SYCP2L: variants seen among roughly 807,000 people sequenced by gnomAD.
SYCP2L encodes synaptonemal complex protein 2-like.
In SYCP2L, 98 loss-of-function variants were observed where a neutral mutation model predicts 125.8. That is an observed-to-expected ratio of 0.78 (90% CI 0.66 to 0.92). The LOEUF (loss-of-function observed/expected upper bound fraction) is 0.92, where lower values mean the gene tolerates loss of function less well. Ranked by LOEUF, SYCP2L falls within the 40% of genes least tolerant of loss-of-function variation. The pLI is 0.00. For synonymous variants in SYCP2L, 317 were observed against 325.4 expected (o/e 0.97, Z 0.28); for missense variants, 842 against 936.4 (o/e 0.90, Z 1.32).
At chr6:10,908,758 G>T (rs1780552583) in intron 10 of SYCP2L, among the ~76,000 whole-genome samples, 1 of 152,168 alleles carries the variant, frequency 6.6e-6, no homozygotes, top group African/African-American at 2.4e-5. Context: ...CTTTAGCCAG[G>T]ATTCAGTATA....
In SYCP2L at chr6:10,957,803, C is replaced by A. The variant is rs146084324; in HGVS notation, c.2164-981C>A. ...CTGTGCTCCAGCCTAGGCAACAGAG[C>A]AAGACCATGTCTCTATTTTTTTTAA... On this transcript the variant is annotated intron_variant, in intron 25 of 29. Coordinates refer to ENST00000283141, the MANE Select transcript of SYCP2L (RefSeq NM_001040274.3). Among the ~76,000 whole-genome samples the A allele has an allele frequency of 4.6e-3, 704 of 152,214 alleles. 5 individuals carry two copies. Among genetic ancestry groups the A allele is most frequent in the African/African-American group, 0.016 (660 of 41,534 alleles).
chr6:10,895,476 A>C (rs1042145317), intron 4 of SYCP2L, among the ~76,000 whole-genome samples: 2 of 152,040 alleles, frequency 1.3e-5, no homozygotes, highest in South Asian at 4.2e-4. Context: ...CATGTAAGAG[A>C]AAGTGGAGAG....
At chr6:10,893,196 C>T (rs1780204751) in intron 2 of SYCP2L, among the ~76,000 whole-genome samples, 1 of 151,972 alleles carries the variant, frequency 6.6e-6, no homozygotes, top group Admixed American at 6.6e-5. Context: ...TGGGATTGCT[C>T]CATGTTGGTC....
At chr6:10,973,204 T>C (rs964852098) in intron 29 of SYCP2L, among the ~76,000 whole-genome samples, 1 of 152,202 alleles carries the variant, frequency 6.6e-6, no homozygotes, top group Non-Finnish European at 1.5e-5. Context: ...TCAGTTGATA[T>C]CAGCTCCTAC....
At position 10,956,213 on chromosome 6, in the gene SYCP2L, T is replaced by G. The variant is rs1381575303; in HGVS notation, c.2134T>G (p.Phe712Val). The change falls in exon 25 of 30, where the codon TTC becomes GTC. Residue 712 changes from phenylalanine to valine, a missense_variant. Physicochemically the swap from Phe to Val is conservative, Grantham distance 50 (BLOSUM62 -1). Transcript: ENST00000283141. Reference sequence around the variant, plus strand: ...TGCCATTCTCCCAACCTTTGAAAACTTCACTAAAAAACGGAAAAGAAAATA... The same window carrying G: ...TGCCATTCTCCCAACCTTTGAAAACGTCACTAAAAAACGGAAAAGAAAATA... ...GSAILPTFEN[F>V]TKKRKRKYEL... 1 of 1,613,780 alleles carries G rather than the reference T, an allele frequency of 6.2e-7. No homozygotes were observed. The highest frequency in any genetic ancestry group is 1.7e-5 in the Admixed American group (1 of 60,012).
chr6:10,932,411 C>A (rs899950385), intron 20 of SYCP2L, among the ~76,000 whole-genome samples: 12 of 152,200 alleles, frequency 7.9e-5, no homozygotes, highest in Non-Finnish European at 1.3e-4. Flanking sequence ...CAGTACAGAG[C>A]ATATCAGCAA....
chr6:10,926,630 T>C (rs556649364), intron 16 of SYCP2L, among the ~76,000 whole-genome samples, 198 bp downstream of exon 16: 1 of 151,870 alleles, frequency 6.6e-6, no homozygotes, highest in Non-Finnish European at 1.5e-5. Flanking sequence ...CAACTGGAAA[T>C]GACAAAGAAG....
chr6:10,956,063 C>A, intron 24 of SYCP2L, 73 bp from the exon 25 acceptor site: 3 of 1,233,356 alleles, frequency 2.4e-6, no homozygotes, highest in Non-Finnish European at 3.5e-6. Context: ...ATCCTCTGGG[C>A]AACTGATGAA....
chr6:10,948,285 C>G (rs1370250492), intron 23 of SYCP2L, among the ~76,000 whole-genome samples: 3 of 152,104 alleles, frequency 2.0e-5, no homozygotes, highest in Non-Finnish European at 4.4e-5. Flanking sequence ...TCTCAGGTCT[C>G]TAGAACTTTT....
chr6:10,908,784 C>T (rs1052265183), intron 10 of SYCP2L, among the ~76,000 whole-genome samples: 8 of 152,152 alleles, frequency 5.3e-5, no homozygotes, highest in Non-Finnish European at 1.0e-4. Flanking sequence ...AGTGGAAAGA[C>T]CATGAGCTTT....
At chr6:10,947,711 C>A (rs1781340703) in intron 23 of SYCP2L, among the ~76,000 whole-genome samples, 2 of 152,006 alleles carry the variant, frequency 1.3e-5, no homozygotes, top group South Asian at 4.1e-4. Context: ...TAGATTCTTT[C>A]TCCCCTTCTG....
chr6:10,958,789 G>A lies in SYCP2L; in HGVS notation c.2169G>A (p.Arg723=), dbSNP rs769218706. Residue 723 remains arginine (R), a synonymous_variant, in exon 26 of 30, where the codon AGG becomes AGA. Transcript: ENST00000283141. The part of the protein sequence containing the change: ...TKKRKRKYEL[R]YRKRPFNSEN... Reference sequence around the variant, plus strand: ...TTATTGTTGTTATGATTTAGCTTAGGTACAGAAAGCGTCCGTTTAATTCAG... The same window carrying A: ...TTATTGTTGTTATGATTTAGCTTAGATACAGAAAGCGTCCGTTTAATTCAG... 1 of 1,612,766 alleles carries A rather than the reference G, an allele frequency of 6.2e-7. No individual in the cohort carries two copies. Among genetic ancestry groups the A allele is most frequent in the Non-Finnish European group, 8.5e-7 (1 of 1,179,598 alleles).
chr6:10,888,617 CCA>C (rs1186358668), intron 1 of SYCP2L, among the ~76,000 whole-genome samples: 1 of 151,878 alleles, frequency 6.6e-6, no homozygotes, highest in African/African-American at 2.4e-5. Flanking sequence ...ACCACCAAGG[CCA>C]GAGAAGGTTG....
At chr6:10,913,171 G>T (rs1780638081) in intron 14 of SYCP2L, among the ~76,000 whole-genome samples, 1 of 152,274 alleles carries the variant, frequency 6.6e-6, no homozygotes, top group Admixed American at 6.5e-5. Context: ...AAAATTAAAA[G>T]TAGAACTACC....
At chr6:10,969,885 TA>T (rs1384173691) in intron 29 of SYCP2L, among the ~76,000 whole-genome samples, 1 of 152,190 alleles carries the variant, frequency 6.6e-6, no homozygotes, top group Non-Finnish European at 1.5e-5. Flanking sequence ...GTAGCATATA[TA>T]ACATGATCCC....
intron 12 of SYCP2L, 115 bp downstream of exon 12, chr6:10,910,984 G>A: frequency 9.4e-7 from 1 of 1,065,118 alleles, no homozygotes; most frequent in East Asian, 2.4e-5. Context: ...TTTTAAAAAA[G>A]GATGCCAACG....
intron 29 of SYCP2L, 93 bp from the exon 30 acceptor site, chr6:10,973,859 T>C (rs1016481658): frequency 6.6e-6 from 1 of 152,256 alleles, no homozygotes; most frequent in Admixed American, 6.5e-5. Context: ...TAAAAAGGAA[T>C]GATGCTCCTA....
intron 23 of SYCP2L, among the ~76,000 whole-genome samples, chr6:10,948,370 C>T (rs1781353022): frequency 6.6e-6 from 1 of 152,098 alleles, no homozygotes; most frequent in African/African-American, 2.4e-5. Context: ...TCCTGGTAAC[C>T]ACCCTTCTAT....
At chr6:10,945,375 T>C (rs562481099) in intron 23 of SYCP2L, among the ~76,000 whole-genome samples, 2 of 152,350 alleles carry the variant, frequency 1.3e-5, no homozygotes, top group South Asian at 4.1e-4. Context: ...TATCAAGTGC[T>C]GAGAGAAGTG....
Sources: gnomAD v4.1 joint callset for allele counts (sites outside exome capture counted in the v4.1 genomes callset) on GRCh38, gnomAD v4.1.1 for gene constraint, MANE v1.5 for transcripts, NCBI Gene and HGNC (gene_info 2026-07-23, HGNC 2026-07-21) for gene names.